The following FAM78B variants were observed in gnomAD, a reference collection of about 807,000 sequenced individuals.
The protein encoded by FAM78B is family with sequence similarity 78 member B.
FAM78B carries 10 observed loss-of-function variants against 20.0 expected under a neutral mutation model. The ratio of observed to expected loss-of-function variants is 0.50; its 90% confidence interval spans 0.31 to 0.85. The LOEUF (loss-of-function observed/expected upper bound fraction) is 0.85, where lower values mean the gene tolerates loss of function less well. FAM78B is among the 40% of genes least tolerant of loss of function. FAM78B has a pLI of 0.05. For missense variants in FAM78B, 283 were observed against 345.0 expected (o/e 0.82, Z 1.42); for synonymous variants, 135 against 132.8 (o/e 1.02, Z -0.12).
intron 1 of FAM78B, chr1:166,081,085 C>G (rs1165866827): frequency 2.0e-5 from 3 of 152,230 alleles, no homozygotes; most frequent in Non-Finnish European, 2.9e-5. Flanking sequence ...AATACTCCCC[C>G]CTCCCACTTT....
At chr1:166,103,776 A>G (rs895291910) in intron 1 of FAM78B, among the ~76,000 whole-genome samples, 1 of 152,240 alleles carries the variant, frequency 6.6e-6, no homozygotes, top group Non-Finnish European at 1.5e-5. Flanking sequence ...CCAGAGCTTC[A>G]AGGAGGAACT....
intron 1 of FAM78B, among the ~76,000 whole-genome samples, chr1:166,139,914 C>T (rs1281447708): frequency 1.3e-5 from 2 of 152,176 alleles, no homozygotes; most frequent in Admixed American, 1.3e-4. Context: ...TGGGCTTTCC[C>T]ACATGCAAAG....
downstream of FAM78B, among the ~76,000 whole-genome samples, chr1:166,064,584 C>T (rs984704694): frequency 7.2e-5 from 11 of 152,132 alleles, no homozygotes; most frequent in East Asian, 9.6e-4. Context: ...CCAGGTTTCA[C>T]GCCTCCCTGA....
intron 1 of FAM78B, among the ~76,000 whole-genome samples, chr1:166,125,592 CTCTG>C (rs967124406): frequency 4.6e-5 from 7 of 152,270 alleles, no homozygotes; most frequent in Middle Eastern, 6.8e-3. Flanking sequence ...AATTGTTCCT[CTCTG>C]TCTGTGGTGG....
chr1:166,104,955 T>C (rs929886729), intron 1 of FAM78B, among the ~76,000 whole-genome samples: 3 of 152,312 alleles, frequency 2.0e-5, no homozygotes, highest in South Asian at 2.1e-4. Context: ...CTTCAAACTA[T>C]ACTACAAGGG....
intron 1 of FAM78B, among the ~76,000 whole-genome samples, chr1:166,096,519 C>G (rs1653280392): frequency 6.6e-6 from 1 of 152,220 alleles, no homozygotes; most frequent in Admixed American, 6.5e-5. Context: ...AGAAGGAAAA[C>G]TTGCTCCATA....
At chr1:166,097,037 CTG>C (rs960514472) in intron 1 of FAM78B, among the ~76,000 whole-genome samples, 3 of 152,202 alleles carry the variant, frequency 2.0e-5, no homozygotes, top group African/African-American at 7.2e-5. Context: ...CCCCCCAAAA[CTG>C]TGAGTGCCCC....
intron 1 of FAM78B, among the ~76,000 whole-genome samples, chr1:166,107,310 A>G (rs1653826215): frequency 6.6e-6 from 1 of 152,164 alleles, no homozygotes; most frequent in Non-Finnish European, 1.5e-5. Context: ...AAGAAACAAA[A>G]CAGGAGATAT....
chr1:166,084,250 C>CTCTCTCTCTG (rs2101727914), intron 1 of FAM78B, among the ~76,000 whole-genome samples: 1 of 151,776 alleles, frequency 6.6e-6, no homozygotes, highest in South Asian at 2.1e-4. Flanking sequence ...CTCTCTCTCT[C>CTCTCTCTCTG]TCTCTCTCTC....
intron 1 of FAM78B, among the ~76,000 whole-genome samples, chr1:166,157,691 C>T (rs555589445): frequency 6.6e-6 from 1 of 152,286 alleles, no homozygotes; most frequent in East Asian, 1.9e-4. Context: ...CCTAATCATC[C>T]ACCCGAACAG....
intron 1 of FAM78B, 71 bp downstream of exon 1, chr1:166,165,914 GA>G (rs1415165969): frequency 6.3e-7 from 1 of 1,578,616 alleles, no homozygotes; most frequent in Non-Finnish European, 8.7e-7. Flanking sequence ...AGGAGCTGGG[GA>G]GGGGGGTCAA....
rs779130540 is a variant in FAM78B, at chr1:166,102,545, AGGG to A, written c.264-31785_264-31783del. On this transcript the variant is annotated intron_variant, in intron 1 of 1. Coordinates refer to ENST00000354422, the MANE Select transcript of FAM78B (RefSeq NM_001017961.5). ...AAGCAAATGGAAAACAAAAAAAGGC[AGGG>A]GTTGCAATCCTAGTCTCTGATAAAA... 4.8e-4 allele frequency among the ~76,000 whole-genome samples: 73 copies of A among 152,184 alleles called. 1 individual carries two copies. The highest frequency in any genetic ancestry group is 9.6e-4 in the Non-Finnish European group (65 of 68,018).
chr1:166,103,373 T>G (rs886620423), intron 1 of FAM78B, among the ~76,000 whole-genome samples: 1 of 151,814 alleles, frequency 6.6e-6, no homozygotes, highest in African/African-American at 2.4e-5. Flanking sequence ...CTGAAGGAAA[T>G]AGAGACACAA....
At chr1:166,087,753 T>C (rs560939841) in intron 1 of FAM78B, among the ~76,000 whole-genome samples, 2 of 152,202 alleles carry the variant, frequency 1.3e-5, no homozygotes, top group Non-Finnish European at 2.9e-5. Flanking sequence ...AAAGTTACAT[T>C]ACTTAATTGA....
intron 1 of FAM78B, among the ~76,000 whole-genome samples, chr1:166,164,248 T>C (rs1007085361): frequency 6.6e-6 from 1 of 152,360 alleles, no homozygotes; most frequent in East Asian, 1.9e-4. Flanking sequence ...CCCAGGCTGC[T>C]GTGGGGAGCA....
chr1:166,091,054 T>C (rs1192307916), intron 1 of FAM78B, among the ~76,000 whole-genome samples: 1 of 152,182 alleles, frequency 6.6e-6, no homozygotes, highest in Non-Finnish European at 1.5e-5. Flanking sequence ...GACTGGCTCC[T>C]GAGCAGCATC....
intron 1 of FAM78B, among the ~76,000 whole-genome samples, chr1:166,164,381 A>T (rs1296396742): frequency 6.6e-6 from 1 of 152,256 alleles, no homozygotes; most frequent in Non-Finnish European, 1.5e-5. Context: ...TTTAAAAAGC[A>T]GTTTTAAGAG....
intron 1 of FAM78B, among the ~76,000 whole-genome samples, chr1:166,143,917 G>A (rs1443930033): frequency 6.6e-6 from 1 of 152,184 alleles, no homozygotes; most frequent in Admixed American, 6.5e-5. Context: ...AGGGTTGGGG[G>A]CAGGATGGGG....
At chr1:166,154,897 A>G (rs896402) in intron 1 of FAM78B, 460,888 of 462,586 alleles carry the variant, frequency 1, 229,615 homozygotes, top group East Asian at 1. Flanking sequence ...TGTAAGTTAA[A>G]AATGATTCTG....
Sources: allele counts gnomAD v4.1 joint callset (sites outside exome capture counted in the v4.1 genomes callset), GRCh38; gene constraint gnomAD v4.1.1; transcripts MANE v1.5; gene names NCBI Gene and HGNC (gene_info 2026-07-23, HGNC 2026-07-21).